The following TSPAN9 variants were observed in gnomAD, a reference collection of about 807,000 sequenced individuals.
TSPAN9 encodes tetraspanin 9.
A neutral mutation model predicts 31.0 loss-of-function variants in TSPAN9; 16 were observed. The ratio of observed to expected loss-of-function variants is 0.52; its 90% CI spans 0.35 to 0.78. The LOEUF (loss-of-function observed/expected upper bound fraction) is 0.78, where lower values mean the gene tolerates loss of function less well. TSPAN9 is among the 30% of genes least tolerant of loss of function. The probability of loss-of-function intolerance (pLI) is 0.01; values close to 1 mark genes in which losing one functional copy is unlikely to be tolerated. For synonymous variants in TSPAN9, 145 were observed against 121.6 expected (o/e 1.19, Z -1.27); for missense variants, 272 against 312.5 (o/e 0.87, Z 0.98).
intron 2 of TSPAN9, among the ~76,000 whole-genome samples, chr12:3,161,251 A>C (rs900162444): frequency 6.6e-6 from 1 of 152,180 alleles, no homozygotes; most frequent in Non-Finnish European, 1.5e-5. Flanking sequence ...AATTTTACTG[A>C]AGTCCAATTT....
At chr12:3,226,708 ATGTG>A (rs1565622284) in intron 3 of TSPAN9, among the ~76,000 whole-genome samples, 3 of 5,934 alleles carry the variant, frequency 5.1e-4, no homozygotes, top group African/African-American at 1.2e-3. Flanking sequence ...GTGTGTGTGT[ATGTG>A]TATGTATGTG....
intron 3 of TSPAN9, among the ~76,000 whole-genome samples, chr12:3,248,032 G>T (rs1448202971): frequency 6.6e-6 from 1 of 152,202 alleles, no homozygotes; most frequent in East Asian, 1.9e-4. Flanking sequence ...CTGTCTGCTT[G>T]CCCCTTTCCC....
intron 2 of TSPAN9, among the ~76,000 whole-genome samples, chr12:3,161,037 A>G (rs955738671): frequency 3.3e-5 from 5 of 152,140 alleles, no homozygotes; most frequent in Non-Finnish European, 4.4e-5. Flanking sequence ...CCTGACCAAC[A>G]TGGAGAAACC....
At chr12:3,226,786 A>T (rs1248202217) in intron 3 of TSPAN9, among the ~76,000 whole-genome samples, 2,819 of 5,632 alleles carry the variant, frequency 0.5, 864 homozygotes, top group Non-Finnish European at 0.55. Context: ...ATATATATAT[A>T]TATATATATT....
chr12:3,079,919 G>A (rs953845908), intron 1 of TSPAN9, among the ~76,000 whole-genome samples: 3 of 151,216 alleles, frequency 2.0e-5, no homozygotes, highest in Non-Finnish European at 4.4e-5. Flanking sequence ...TATAGGTACA[G>A]GCCCCATGCT....
chr12:3,184,227 A>G (rs1460826391), intron 2 of TSPAN9, among the ~76,000 whole-genome samples: 1 of 152,038 alleles, frequency 6.6e-6, no homozygotes, highest in African/African-American at 2.4e-5. Context: ...GCAAAATCCC[A>G]TCTCTAGAAA....
At chr12:3,102,145 T>C (rs979319800) in intron 2 of TSPAN9, among the ~76,000 whole-genome samples, 7 of 151,984 alleles carry the variant, frequency 4.6e-5, no homozygotes, top group African/African-American at 1.7e-4. Context: ...TTTTTTTGAG[T>C]TGGGACCTCA....
intron 2 of TSPAN9, among the ~76,000 whole-genome samples, chr12:3,095,960 G>A (rs1382126008): frequency 6.7e-5 from 10 of 150,042 alleles, no homozygotes; most frequent in Admixed American, 6.6e-4. Context: ...CTGCAATCTC[G>A]GCACTTTGGG....
chr12:3,284,763 G>A lies in TSPAN9; in HGVS notation c.*1647G>A, dbSNP rs1434452273. On this transcript the variant is annotated 3_prime_UTR_variant, in exon 9 of 9. Transcript: ENST00000011898. ...GCCAGCGTCTGCTGCACTTGATCAGGTGGGGCCTTGGTGGGCGGCTGCCTT... is the reference window on the plus strand; with the variant it reads ...GCCAGCGTCTGCTGCACTTGATCAGATGGGGCCTTGGTGGGCGGCTGCCTT... The A allele has an allele frequency of 6.6e-6, 1 of 152,246 alleles. No individual in the cohort carries two copies. Among genetic ancestry groups the A allele is most frequent in the African/African-American group, 2.4e-5 (1 of 41,458 alleles). 9.4% of individuals were successfully genotyped at this position (152,246 alleles called of 1,614,324 possible).
Position 3,147,633 on chromosome 12 carries a change from T to G in TSPAN9, c.-17-53544T>G, listed in dbSNP as rs35988523. The stretch of plus-strand genomic sequence containing the variant: ...ACCGCCCAGTACAGTAGCCACCGGC[T>G]ACATGTGGCCGTTGAGCATTGAAAA... On this transcript the variant is annotated intron_variant, in intron 2 of 8. Coordinates refer to ENST00000011898, the MANE Select transcript of TSPAN9 (RefSeq NM_006675.5). The surrounding 1 kb of genome is among the most constrained non-coding windows in gnomAD (Gnocchi z 4.3). Among the ~76,000 whole-genome samples, 2,203 of 152,344 alleles carry G rather than the reference T, an allele frequency of 0.014. 51 individuals carry two copies. The highest frequency in any genetic ancestry group is 0.05 in the African/African-American group (2,067 of 41,574).
chr12:3,264,624 G>C (rs1369218553), intron 3 of TSPAN9, among the ~76,000 whole-genome samples: 1 of 152,200 alleles, frequency 6.6e-6, no homozygotes, highest in Admixed American at 6.5e-5. Flanking sequence ...AGTGCGGGCA[G>C]TGGCAGGACC....
intron 2 of TSPAN9, among the ~76,000 whole-genome samples, chr12:3,158,097 C>T (rs972191968): frequency 1.3e-5 from 2 of 152,212 alleles, no homozygotes; most frequent in African/African-American, 2.4e-5. Context: ...GCGGGGTTTC[C>T]TCTTCTTGCT....
chr12:3,205,226 G>A (rs2098374349), intron 3 of TSPAN9, among the ~76,000 whole-genome samples: 1 of 152,226 alleles, frequency 6.6e-6, no homozygotes, highest in African/African-American at 2.4e-5. Context: ...GGCTGGCAGA[G>A]CAGTGACATT....
intron 3 of TSPAN9, among the ~76,000 whole-genome samples, chr12:3,229,402 T>G (rs1475776355): frequency 1.3e-5 from 2 of 152,240 alleles, no homozygotes; most frequent in African/African-American, 4.8e-5. Flanking sequence ...TCACTCTGCC[T>G]TCTTTCCTTC....
At chr12:3,146,678 C>A (rs1395560770) in intron 2 of TSPAN9, among the ~76,000 whole-genome samples, 3 of 152,220 alleles carry the variant, frequency 2.0e-5, no homozygotes, top group Non-Finnish European at 4.4e-5. Flanking sequence ...GCCTCCTTAT[C>A]TTTCTCCACC....
intron 3 of TSPAN9, among the ~76,000 whole-genome samples, chr12:3,267,575 G>A (rs1448328209): frequency 1.3e-5 from 2 of 152,238 alleles, no homozygotes; most frequent in East Asian, 3.8e-4. Context: ...TCTCACAGCA[G>A]CCCTGGCTTC....
intron 2 of TSPAN9, among the ~76,000 whole-genome samples, chr12:3,103,554 T>C (rs2098312820): frequency 6.6e-6 from 1 of 152,174 alleles, no homozygotes; most frequent in Non-Finnish European, 1.5e-5. Context: ...GGGATGCTGC[T>C]GGGAGAAATC....
chr12:3,257,594 C>G (rs1240188361), intron 3 of TSPAN9, among the ~76,000 whole-genome samples: 1 of 152,070 alleles, frequency 6.6e-6, no homozygotes, highest in African/African-American at 2.4e-5. Context: ...TTATCCCCAA[C>G]AAGCTCTCTT....
intron 3 of TSPAN9, among the ~76,000 whole-genome samples, chr12:3,204,651 T>G (rs995960462): frequency 6.6e-6 from 1 of 152,106 alleles, no homozygotes. Context: ...AGGGAGTCAG[T>G]GGTCACTCCT....
Sources: gnomAD v4.1 joint callset for allele counts (sites outside exome capture counted in the v4.1 genomes callset) on GRCh38, gnomAD v4.1.1 for gene constraint, Gnocchi (gnomAD v3.1) non-coding constraint, MANE v1.5 for transcripts, NCBI Gene and HGNC (gene_info 2026-07-23, HGNC 2026-07-21) for gene names.